The following CASP5 variants were observed in gnomAD, a reference collection of about 807,000 sequenced individuals.
The protein encoded by CASP5 is caspase-5.
A neutral mutation model predicts 45.2 loss-of-function variants in CASP5; 42 were observed. The ratio of observed to expected loss-of-function variants is 0.93; its 90% CI spans 0.73 to 1.20. CASP5 has a LOEUF of 1.20. Among genes scored for constraint, CASP5 ranks in the 50% most tolerant of loss-of-function variants. The pLI is 0.00. For missense variants in CASP5, 512 were observed against 532.2 expected (o/e 0.96, Z 0.37); for synonymous variants, 209 against 186.2 (o/e 1.12, Z -1.00).
chr11:105,010,477 TATC>T (rs1862296234), intron 1 of CASP5, among the ~76,000 whole-genome samples: 1 of 123,246 alleles, frequency 8.1e-6, no homozygotes, highest in Admixed American at 1.1e-4. Context: ...AATCAGTAAT[TATC>T]ATTATACTGA....
intron 6 of CASP5, 78 bp from the exon 7 acceptor site, chr11:104,999,106 T>C: frequency 7.7e-7 from 1 of 1,292,288 alleles, no homozygotes; most frequent in Non-Finnish European, 1.1e-6. Flanking sequence ...GTAGGTTTGT[T>C]ACATAGTTAC....
intron 6 of CASP5, among the ~76,000 whole-genome samples, chr11:105,000,051 C>G (rs945556857): frequency 1.1e-4 from 17 of 152,250 alleles, no homozygotes; most frequent in Admixed American, 1.0e-3. Flanking sequence ...TCCTTCACCA[C>G]TATCACCGTG....
chr11:105,001,886 A>C (rs1591157240), intron 5 of CASP5, 142 bp downstream of exon 5: 4 of 653,364 alleles, frequency 6.1e-6, no homozygotes, highest in Non-Finnish European at 5.2e-6. Flanking sequence ...TTGCTAGTGC[A>C]TGTGCGCATG....
intron 1 of CASP5, among the ~76,000 whole-genome samples, chr11:105,020,317 C>G (rs1435787404): frequency 6.6e-6 from 1 of 151,928 alleles, no homozygotes; most frequent in African/African-American, 2.4e-5. Flanking sequence ...GGCGATCAGG[C>G]AGGAGAAGAA....
At chr11:105,010,560 C>G (rs1862303381) in intron 1 of CASP5, among the ~76,000 whole-genome samples, 1 of 150,630 alleles carries the variant, frequency 6.6e-6, no homozygotes, top group Non-Finnish European at 1.5e-5. Flanking sequence ...ATTTACAAGT[C>G]TCTCTTCTAA....
Position 105,015,947 on chromosome 11 carries a change from G to A in CASP5, c.8-6967C>T, listed in dbSNP as rs554238712. 2.0e-4 allele frequency among the ~76,000 whole-genome samples: 30 copies of A among 152,222 alleles called. No individual in the cohort carries two copies. The South Asian group carries it at 4.4e-3, about 22-fold the overall frequency. Reference sequence around the variant, plus strand: ...TCTTTTTCTTATGAACGTAAAAATCGTGCCTTAGAGTGATTAATGGAAAAA... The same window carrying A: ...TCTTTTTCTTATGAACGTAAAAATCATGCCTTAGAGTGATTAATGGAAAAA... On this transcript the variant is annotated intron_variant, in intron 1 of 9. Coordinates refer to ENST00000260315, the MANE Select transcript of CASP5 (RefSeq NM_004347.5).
intron 8 of CASP5, 36 bp downstream of exon 8, chr11:104,997,347 A>C (rs1359130852): frequency 2.9e-6 from 4 of 1,378,966 alleles, no homozygotes; most frequent in Non-Finnish European, 4.1e-6. Context: ...TTCTGAGCAA[A>C]TAAGTAAATG....
In CASP5 at chr11:105,002,149, C is replaced by T; in HGVS notation, c.596G>A (p.Cys199Tyr). ...AGGCAGGTGATCAAACTTTGTATTGCATATGATGAGAGCCAGGCGTCTGCG... is the reference window on the plus strand; with the variant it reads ...AGGCAGGTGATCAAACTTTGTATTGTATATGATGAGAGCCAGGCGTCTGCG... The part of the protein sequence containing the change: ...EDRRRLALII[C>Y]NTKFDHLPAR... Residue 199 changes from cysteine (C) to tyrosine (Y), a missense_variant, in exon 5 of 10, where the codon TGC becomes TAC. Transcript: ENST00000260315. 1 of 1,614,118 alleles carries T rather than the reference C, an allele frequency of 6.2e-7. No homozygotes were observed. Among genetic ancestry groups the T allele is most frequent in the South Asian group, 1.1e-5 (1 of 91,084 alleles).
At chr11:105,009,945 A>T (rs1048115852) in intron 1 of CASP5, among the ~76,000 whole-genome samples, 14 of 147,630 alleles carry the variant, frequency 9.5e-5, no homozygotes, top group Non-Finnish European at 2.1e-4. Context: ...ACACACACAC[A>T]TATATATATC....
At chr11:105,009,074 G>GA in intron 1 of CASP5, 94 bp from the exon 2 acceptor site, 1 of 1,041,160 alleles carries the variant, frequency 9.6e-7, no homozygotes, top group Non-Finnish European at 1.4e-6. Context: ...AAACACCCTT[G>GA]AAAATACATT....
chr11:105,013,467 T>C (rs1862448055), intron 1 of CASP5, among the ~76,000 whole-genome samples: 1 of 152,080 alleles, frequency 6.6e-6, no homozygotes. Context: ...TTTAGCTCTT[T>C]AGGCATTCTA....
At chr11:105,015,676 G>A (rs1014419778) in intron 1 of CASP5, among the ~76,000 whole-genome samples, 15 of 151,742 alleles carry the variant, frequency 9.9e-5, no homozygotes, top group Non-Finnish European at 1.0e-4. Context: ...CAGCCTGCCC[G>A]GCCAAAGAGG....
At chr11:104,995,339 A>G (rs1200579371) in intron 9 of CASP5, 1 of 155,730 alleles carries the variant, frequency 6.4e-6, no homozygotes, top group Non-Finnish European at 1.4e-5. Flanking sequence ...TCCTGTGTTT[A>G]CTCTGTTTTG....
intron 6 of CASP5, among the ~76,000 whole-genome samples, chr11:104,999,657 A>T (rs1364690268): frequency 4.6e-5 from 7 of 152,202 alleles, no homozygotes; most frequent in Non-Finnish European, 7.4e-5. Flanking sequence ...ACAATGTGTA[A>T]ATTAATAGTG....
intron 1 of CASP5, among the ~76,000 whole-genome samples, chr11:105,022,436 C>T (rs956322843): frequency 6.6e-5 from 10 of 152,184 alleles, no homozygotes; most frequent in African/African-American, 2.2e-4. Context: ...AAACCAAAGA[C>T]GCAATATGAC....
chr11:105,003,347 G>T lies in CASP5; in HGVS notation c.470C>A (p.Ala157Glu). ...LQIEAGPPESAESTNILKLCP... is the reference protein window; with the variant it reads ...LQIEAGPPESEESTNILKLCP... Reference sequence around the variant, plus strand: ...AAGTTTGAGTATATTTGTAGATTCTGCTGACTCAGGTGGTCCAGCCTCGAT... The same window carrying T: ...AAGTTTGAGTATATTTGTAGATTCTTCTGACTCAGGTGGTCCAGCCTCGAT... Residue 157 changes from alanine (A) to glutamate (E), a missense_variant, in exon 4 of 10, where the codon GCA becomes GAA. Coordinates refer to ENST00000260315, the MANE Select transcript of CASP5 (RefSeq NM_004347.5). The T allele has an allele frequency of 6.2e-7, 1 of 1,603,222 alleles. No individual in the cohort carries two copies.
At chr11:105,008,744 G>A in intron 2 of CASP5, 63 bp downstream of exon 2, 1 of 1,160,054 alleles carries the variant, frequency 8.6e-7, no homozygotes, top group Middle Eastern at 2.9e-4. Flanking sequence ...TCACTGCATG[G>A]GACTTATAAT....
chr11:105,000,541 T>A, intron 5 of CASP5, 46 bp from the exon 6 acceptor site: 1 of 1,530,912 alleles, frequency 6.5e-7, no homozygotes, highest in Non-Finnish European at 9.0e-7. Context: ...GCATCACAAT[T>A]AATAGGACCT....
intron 1 of CASP5, among the ~76,000 whole-genome samples, chr11:105,009,589 C>T (rs370369358): frequency 5.3e-5 from 8 of 150,262 alleles, no homozygotes; most frequent in Admixed American, 3.3e-4. Flanking sequence ...AATTCTTCAG[C>T]GCCTTTTCTC....
Sources: gnomAD v4.1 joint callset for allele counts (sites outside exome capture counted in the v4.1 genomes callset) on GRCh38, gnomAD v4.1.1 for gene constraint, MANE v1.5 for transcripts, NCBI Gene and HGNC (gene_info 2026-07-23, HGNC 2026-07-21) for gene names.